DHX8: variants seen among roughly 807,000 people sequenced by gnomAD.
The protein encoded by DHX8 is ATP-dependent RNA helicase DHX8.
Under a neutral mutation model 140.7 loss-of-function variants are expected in DHX8, and 67 were observed. That is an observed-to-expected ratio of 0.48 (90% CI 0.39 to 0.58). The LOEUF (loss-of-function observed/expected upper bound fraction) is 0.58, where lower values mean the gene tolerates loss of function less well. Among genes scored for constraint, DHX8 ranks in the 20% least tolerant of loss-of-function variants. The pLI is 0.00. For missense variants in DHX8, 887 were observed against 1,550.7 expected (o/e 0.57, Z 7.19); for synonymous variants, 533 against 553.2 (o/e 0.96, Z 0.51).
At chr17:43,505,006 G>GT (rs1777423928) in intron 12 of DHX8, among the ~76,000 whole-genome samples, 181 bp downstream of exon 12, 1 of 152,182 alleles carries the variant, frequency 6.6e-6, no homozygotes. Context: ...GCTGGGCGCG[G>GT]TAGTGGATGC....
At chr17:43,536,310 C>G in intron 2 of DHX8, 2 of 917,034 alleles carry the variant, frequency 2.2e-6, no homozygotes, top group Non-Finnish European at 3.5e-6. Flanking sequence ...TCTTTAAGAT[C>G]AAACCCCACT....
At chr17:43,507,285 C>A in intron 13 of DHX8, 88 bp downstream of exon 13, 4 of 1,425,668 alleles carry the variant, frequency 2.8e-6, no homozygotes, top group Non-Finnish European at 3.8e-6. Context: ...AATAATACTG[C>A]CTTTTTTCAG....
chr17:43,504,683 G>A lies in DHX8; in HGVS notation c.1586G>A (p.Gly529Glu). Residue 529 changes from glycine (G) to glutamate (E), a missense_variant, in exon 12 of 23, where the codon GGG becomes GAG. Coordinates refer to ENST00000262415, the MANE Select transcript of DHX8 (RefSeq NM_004941.3). ...ATTGCTGCCAACATGAGGGGTATTG[G>A]GATGATGCCCAATGATATTCCTGAG... ...RQIAANMRGI[G>E]MMPNDIPEWK... is the part of the protein sequence containing the mutation. 6.2e-7 allele frequency: 1 copy of A among 1,613,960 alleles called. No individual in the cohort carries two copies. The highest frequency in any genetic ancestry group is 8.5e-7 in the Non-Finnish European group (1 of 1,179,974).
chr17:43,530,870 A>G (rs865900597), downstream of DHX8, among the ~76,000 whole-genome samples: 1 of 152,042 alleles, frequency 6.6e-6, no homozygotes, highest in South Asian at 2.1e-4. Context: ...ATGGTGAAAC[A>G]TGACACCTCC....
intron 3 of DHX8, among the ~76,000 whole-genome samples, chr17:43,537,163 C>G (rs947218609): frequency 6.6e-6 from 1 of 151,824 alleles, no homozygotes; most frequent in East Asian, 1.9e-4. Context: ...GTCCGGAGTT[C>G]GAGACCAGCC....
intron 3 of DHX8, 180 bp downstream of exon 3, chr17:43,490,643 T>C (rs1968459362): frequency 1.7e-6 from 1 of 597,566 alleles, no homozygotes; most frequent in Non-Finnish European, 2.9e-6. Context: ...GAGGCCAAGG[T>C]GGGAGTATCA....
intron 22 of DHX8, among the ~76,000 whole-genome samples, 188 bp downstream of exon 22, chr17:43,522,414 T>C (rs189614793): frequency 3.9e-5 from 6 of 152,108 alleles, no homozygotes; most frequent in East Asian, 3.9e-4. Context: ...ATTAAAATCA[T>C]AGGGGTGAGA....
rs781777929 is a variant in DHX8, at chr17:43,504,619, C to T, written c.1547-25C>T. ...ATCTTGAGGTAGCTTGAGGACAATA[C>T]TAAGTTGCCTGTTTTCCTTTCCAGC... is the stretch of plus-strand genomic sequence containing the variant. On this transcript the variant is annotated intron_variant, in intron 11 of 22. Coordinates refer to ENST00000262415, the MANE Select transcript of DHX8 (RefSeq NM_004941.3). The T allele has an allele frequency of 1.4e-5, 22 of 1,597,666 alleles. No homozygotes were observed. The East Asian group carries it at 2.3e-4, about 16-fold the overall frequency.
chr17:43,492,583 G>T, intron 5 of DHX8, 98 bp from the exon 6 acceptor site: 1 of 711,892 alleles, frequency 1.4e-6, no homozygotes, highest in South Asian at 1.8e-5. Context: ...AACCTAGTGG[G>T]TACCTACCAT....
In DHX8 at chr17:43,485,594, T is replaced by C. The variant is rs147887983; in HGVS notation, c.148+1409T>C. On this transcript the variant is annotated intron_variant, in intron 1 of 22. Coordinates refer to ENST00000262415, the MANE Select transcript of DHX8 (RefSeq NM_004941.3). ...ATATGTTTCCTTTATTCAGCAAATA[T>C]TGAGCTGGGGGCTAGGCATACCACA... is the stretch of plus-strand genomic sequence containing the variant. Among the ~76,000 whole-genome samples the C allele has an allele frequency of 2.6e-3, 396 of 152,252 alleles. 5 individuals are homozygous for C. Among genetic ancestry groups the C allele is most frequent in the South Asian group, 0.014 (66 of 4,812 alleles).
In DHX8 at chr17:43,493,668, GT is replaced by G. The variant is rs1438018357; in HGVS notation, c.1009-10del. ...GGACAGCAAGTGAGACAGCTCCCTT[GT>G]TTTTGTGCCTTAGGATGTGGATCAA... is the stretch of plus-strand genomic sequence containing the variant. On this transcript the variant is annotated splice_polypyrimidine_tract_variant and intron_variant, in intron 7 of 22. Transcript: ENST00000262415. 1 of 1,614,202 alleles carries G rather than the reference GT, an allele frequency of 6.2e-7. No individual in the cohort carries two copies.
chr17:43,484,770 T>C (rs1863336982), intron 1 of DHX8, among the ~76,000 whole-genome samples: 1 of 151,864 alleles, frequency 6.6e-6, no homozygotes, highest in Non-Finnish European at 1.5e-5. Flanking sequence ...GCCTCCCGAG[T>C]AGCTGGGACT....
chr17:43,505,406 TAA>T (rs546280688), intron 12 of DHX8, among the ~76,000 whole-genome samples: 1 of 140,860 alleles, frequency 7.1e-6, no homozygotes. Context: ...AGACTCTGTC[TAA>T]AAAAAAAAAA....
At chr17:43,486,065 ATGGTGAC>A (rs1205515725) in intron 1 of DHX8, among the ~76,000 whole-genome samples, 1 of 137,840 alleles carries the variant, frequency 7.3e-6, no homozygotes, top group Admixed American at 7.2e-5. Context: ...TTAGCTGGCC[ATGGTGAC>A]TGGTGCTATG....
chr17:43,484,245 GGAGGA>G, intron 1 of DHX8, 60 bp downstream of exon 1: 1 of 1,559,246 alleles, frequency 6.4e-7, no homozygotes, highest in Non-Finnish European at 8.8e-7. Flanking sequence ...GAAGGAGGAA[GGAGGA>G]AGGAGAAAGG....
Position 43,492,193 on chromosome 17 carries a change from A to G in DHX8, c.404A>G (p.Asp135Gly). 1 of 1,613,904 alleles carries G rather than the reference A, an allele frequency of 6.2e-7. No individual in the cohort carries two copies. Residue 135 changes from aspartate to glycine, a missense_variant, in exon 5 of 23, where the codon GAT becomes GGT. This residue lies in a region of DHX8 where 304 missense variants were observed against 306.9 expected (regional missense o/e 0.99). Transcript: ENST00000262415. The stretch of plus-strand genomic sequence containing the variant: ...CCTCTACCTCTGCAGACCATGTTGG[A>G]TGAAGATGATGTGAAAGTTGCTGTG... ...PDNPSVRTML[D>G]EDDVKVAVDV...
chr17:43,529,814 G>C (rs554127438), downstream of DHX8: 1 of 1,598,764 alleles, frequency 6.3e-7, no homozygotes, highest in Non-Finnish European at 8.6e-7. Context: ...ACAATGAAAC[G>C]TGATGTGACT....
At chr17:43,515,310 TC>T (rs1201976888) in intron 17 of DHX8, among the ~76,000 whole-genome samples, 4 of 152,180 alleles carry the variant, frequency 2.6e-5, no homozygotes, top group Non-Finnish European at 5.9e-5. Flanking sequence ...TGCCTCAGCC[TC>T]CCAAGTAGCT....
At chr17:43,499,839 A>G (rs1969082325) in intron 10 of DHX8, 117 bp from the exon 11 acceptor site, 1 of 1,116,848 alleles carries the variant, frequency 9.0e-7, no homozygotes, top group Admixed American at 2.2e-5. Flanking sequence ...ATAGTCTGTT[A>G]CATTGATAAG....
Sources: gnomAD v4.1 joint callset for allele counts (sites outside exome capture counted in the v4.1 genomes callset) on GRCh38, gnomAD v4.1.1 for gene constraint, gnomAD v4.1.1 regional missense constraint, MANE v1.5 for transcripts, NCBI Gene and HGNC (gene_info 2026-07-23, HGNC 2026-07-21) for gene names.